Variants in NCAM1 observed in about 807,000 individuals in gnomAD.
NCAM1 encodes the protein neural cell adhesion molecule 1, also known as antigen recognized by monoclonal antibody 5.1H11.
NCAM1 carries 14 observed loss-of-function variants against 109.8 expected under a neutral mutation model. The ratio of observed to expected loss-of-function variants is 0.13; its 90% CI spans 0.08 to 0.20. The LOEUF is 0.20. NCAM1 is among the 10% of genes least tolerant of loss of function. The pLI, the probability that NCAM1 is intolerant of heterozygous loss-of-function variation, is 1.00. For synonymous variants in NCAM1, 418 were observed against 442.9 expected (o/e 0.94, Z 0.70); for missense variants, 774 against 1,109.9 (o/e 0.70, Z 4.30).
At chr11:113,121,199 A>G (rs61902492) in intron 1 of NCAM1, among the ~76,000 whole-genome samples, 24,383 of 139,358 alleles carry the variant, frequency 0.17, 2,471 homozygotes, top group Middle Eastern at 0.32. Flanking sequence ...TTGGGATATC[A>G]TTTTCTGAGC....
intron 1 of NCAM1, among the ~76,000 whole-genome samples, chr11:113,095,025 G>A (rs542526752): frequency 8.5e-5 from 13 of 152,194 alleles, no homozygotes; most frequent in South Asian, 8.3e-4. Context: ...CTTCTAGACC[G>A]CTTACAGAAA....
chr11:113,052,266 T>A (rs1158165639), intron 1 of NCAM1, among the ~76,000 whole-genome samples: 1 of 152,218 alleles, frequency 6.6e-6, no homozygotes, highest in African/African-American at 2.4e-5. Flanking sequence ...GAACTTCCTT[T>A]TTAATAATAA....
chr11:113,113,035 G>A (rs1240461374), intron 1 of NCAM1, among the ~76,000 whole-genome samples: 3 of 152,162 alleles, frequency 2.0e-5, no homozygotes, highest in African/African-American at 7.2e-5. Flanking sequence ...AGGAGACTGA[G>A]GCAGGAGAAT....
At chr11:113,064,015 C>T (rs1937811900) in intron 1 of NCAM1, among the ~76,000 whole-genome samples, 1 of 152,186 alleles carries the variant, frequency 6.6e-6, no homozygotes, top group Non-Finnish European at 1.5e-5. Context: ...ATGGAAGACT[C>T]TCTGATTATG....
chr11:113,066,093 G>A (rs1937940913), intron 1 of NCAM1, among the ~76,000 whole-genome samples: 1 of 152,080 alleles, frequency 6.6e-6, no homozygotes. Context: ...AATTTATCCT[G>A]TGAGTGTAGG....
intron 1 of NCAM1, among the ~76,000 whole-genome samples, chr11:113,157,205 C>T (rs549961624): frequency 6.6e-6 from 1 of 151,844 alleles, no homozygotes; most frequent in Admixed American, 6.6e-5. Flanking sequence ...AAAGCTGAGG[C>T]ACACAGCATG....
intron 9 of NCAM1, among the ~76,000 whole-genome samples, chr11:113,225,024 A>C (rs920751295): frequency 1.1e-4 from 16 of 152,202 alleles, no homozygotes; most frequent in African/African-American, 3.9e-4. Flanking sequence ...AAATCAGAGA[A>C]CCTCTTCTTC....
In NCAM1 at chr11:113,207,340, T is replaced by C; in HGVS notation, c.708T>C (p.Asp236=). 1 of 1,614,044 alleles carries C rather than the reference T, an allele frequency of 6.2e-7. No homozygotes were observed. The highest frequency in any genetic ancestry group is 1.1e-5 in the South Asian group (1 of 91,086). ...GCCAGTCCGTCACCCTGGTGTGCGA[T>C]GCCGAAGGCTTCCCAGAGCCCACCA... is the stretch of plus-strand genomic sequence containing the variant. ...NLGQSVTLVC[D]AEGFPEPTMS... Residue 236 remains aspartate, a synonymous_variant, in exon 6 of 20, where the codon GAT becomes GAC. Transcript: ENST00000316851.
intron 1 of NCAM1, among the ~76,000 whole-genome samples, chr11:113,111,958 T>C (rs2135959875): frequency 6.6e-6 from 1 of 152,340 alleles, no homozygotes; most frequent in South Asian, 2.1e-4. Context: ...TTTTAAGCTT[T>C]ATTGGCACAT....
chr11:113,137,419 A>T (rs1555099685), intron 1 of NCAM1, among the ~76,000 whole-genome samples: 1 of 152,236 alleles, frequency 6.6e-6, no homozygotes, highest in Non-Finnish European at 1.5e-5. Context: ...TGGCCTTTGC[A>T]GAAAGAAGGA....
At chr11:113,143,381 T>C (rs1320257171) in intron 1 of NCAM1, among the ~76,000 whole-genome samples, 2 of 152,220 alleles carry the variant, frequency 1.3e-5, no homozygotes, top group Non-Finnish European at 2.9e-5. Context: ...ATCTAGATTA[T>C]TCCGGTGGTT....
chr11:113,071,448 C>G (rs1448338965), intron 1 of NCAM1, among the ~76,000 whole-genome samples: 2 of 124,312 alleles, frequency 1.6e-5, no homozygotes, highest in South Asian at 5.2e-4. Flanking sequence ...TTTTTTGATA[C>G]GGAGTCTCGC....
At chr11:113,094,157 A>G (rs574278527) in intron 1 of NCAM1, among the ~76,000 whole-genome samples, 1 of 152,336 alleles carries the variant, frequency 6.6e-6, no homozygotes, top group South Asian at 2.1e-4. Context: ...GGAGGGACCA[A>G]TCTGACATCT....
intron 1 of NCAM1, among the ~76,000 whole-genome samples, chr11:113,111,495 C>T (rs1326907030): frequency 1.3e-5 from 2 of 151,384 alleles, no homozygotes; most frequent in Admixed American, 1.3e-4. Flanking sequence ...AGATCAGCAG[C>T]GTCAGGACCT....
At chr11:113,139,701 T>C (rs969526126) in intron 1 of NCAM1, among the ~76,000 whole-genome samples, 18 of 152,140 alleles carry the variant, frequency 1.2e-4, no homozygotes, top group South Asian at 4.1e-4. Flanking sequence ...CCAAGTATTA[T>C]TATCTACAGC....
At position 112,962,880 on chromosome 11, in the gene NCAM1, G is replaced by T. The variant is rs1302806608; in HGVS notation, c.52+1216G>T. Among the ~76,000 whole-genome samples the T allele has an allele frequency of 6.6e-6, 1 of 152,018 alleles. No individual in the cohort carries two copies. On this transcript the variant is annotated intron_variant, in intron 1 of 19. Coordinates refer to ENST00000316851, the MANE Select transcript of NCAM1 (RefSeq NM_181351.5). This position sits in a 1 kb window ranked among gnomAD's most constrained non-coding sequence, Gnocchi z 5.6. Reference sequence around the variant, plus strand: ...CGGACATTCTGGGCGGGGGGCGTGTGCTGGGAAGCGATCGAGGAAAGCCGG... The same window carrying T: ...CGGACATTCTGGGCGGGGGGCGTGTTCTGGGAAGCGATCGAGGAAAGCCGG...
At chr11:113,248,209 T>TA (rs1406696601) in intron 15 of NCAM1, among the ~76,000 whole-genome samples, 1 of 123,760 alleles carries the variant, frequency 8.1e-6, no homozygotes, top group Non-Finnish European at 1.7e-5. Flanking sequence ...TGGCTGTTGG[T>TA]AAAAAATGTG....
chr11:113,236,247 G>C (rs1270883404), intron 14 of NCAM1: 14 of 1,574,194 alleles, frequency 8.9e-6, no homozygotes, highest in African/African-American at 1.4e-5. Flanking sequence ...TTTTTTTCTT[G>C]GGTCTGTCTC....
intron 1 of NCAM1, among the ~76,000 whole-genome samples, chr11:113,179,742 A>C (rs1943274816): frequency 1.3e-5 from 2 of 152,226 alleles, no homozygotes; most frequent in Admixed American, 1.3e-4. Context: ...AAACACATGG[A>C]AATTGCTAGA....
Sources: allele counts gnomAD v4.1 joint callset (sites outside exome capture counted in the v4.1 genomes callset), GRCh38; gene constraint gnomAD v4.1.1; non-coding constraint Gnocchi (gnomAD v3.1); transcripts MANE v1.5; gene names NCBI Gene and HGNC (gene_info 2026-07-23, HGNC 2026-07-21).